The following MACF1 variants were observed in gnomAD, a reference collection of about 807,000 sequenced individuals.
The protein encoded by MACF1 is microtubule-actin cross-linking factor 1.
Under a neutral mutation model 854.8 loss-of-function variants are expected in MACF1, and 193 were observed. The ratio of observed to expected loss-of-function variants is 0.23; its 90% CI spans 0.20 to 0.25. The LOEUF (loss-of-function observed/expected upper bound fraction) is 0.25, where lower values mean the gene tolerates loss of function less well. Ranked by LOEUF, MACF1 falls within the 10% of genes least tolerant of loss-of-function variation. The pLI is 1.00. For synonymous variants in MACF1, 3,185 were observed against 3,226.7 expected, an observed-to-expected ratio of 0.99 and a Z score of 0.44; for missense variants, 7,722 against 8,929.1, an observed-to-expected ratio of 0.86 and a Z score of 5.45.
intron 58 of MACF1, among the ~76,000 whole-genome samples, chr1:39,390,035 A>G (rs1490161689): frequency 6.6e-6 from 1 of 152,220 alleles, no homozygotes; most frequent in African/African-American, 2.4e-5. Flanking sequence ...ATGACCCAAA[A>G]GTGTGGATTT....
chr1:39,245,298 T>G (rs1393537673), intron 2 of MACF1, among the ~76,000 whole-genome samples: 2 of 152,128 alleles, frequency 1.3e-5, no homozygotes, highest in Admixed American at 1.3e-4. Flanking sequence ...TTTTTATTAT[T>G]ATTATTTTTG....
At chr1:39,264,662 CTTTTTTTTTTTT>C (rs35145613) in intron 6 of MACF1, among the ~76,000 whole-genome samples, 5 of 81,648 alleles carry the variant, frequency 6.1e-5, no homozygotes, top group African/African-American at 2.2e-4. Flanking sequence ...GATAGGATTT[CTTTTTTTTTTTT>C]TTTTTTTTTT....
At chr1:39,195,974 G>C (rs1355953183) in intron 2 of MACF1, among the ~76,000 whole-genome samples, 1 of 152,026 alleles carries the variant, frequency 6.6e-6, no homozygotes, top group Non-Finnish European at 1.5e-5. Context: ...TAGTCTTTGT[G>C]GTCAGATGTA....
intron 42 of MACF1, among the ~76,000 whole-genome samples, chr1:39,349,973 GT>G (rs1647142502): frequency 6.6e-6 from 1 of 152,172 alleles, no homozygotes; most frequent in Non-Finnish European, 1.5e-5. Context: ...GTGCTCAAGG[GT>G]TAGCAATAAT....
intron 2 of MACF1, among the ~76,000 whole-genome samples, chr1:39,168,764 A>G (rs1187284521): frequency 6.6e-6 from 1 of 152,176 alleles, no homozygotes; most frequent in Non-Finnish European, 1.5e-5. Context: ...GATTAAACAG[A>G]GTAGTATAAG....
intron 80 of MACF1, among the ~76,000 whole-genome samples, chr1:39,446,889 T>A (rs1407495908): frequency 1.3e-5 from 2 of 152,258 alleles, no homozygotes; most frequent in African/African-American, 4.8e-5. Flanking sequence ...TGTCTTGGCT[T>A]CTTTCGTTAC....
Position 39,409,848 on chromosome 1 carries a change from A to T in MACF1, c.15817-12526A>T. On this transcript the variant is annotated intron_variant, in intron 58 of 100. Transcript: ENST00000564288. This position sits in a 1 kb window ranked among gnomAD's most constrained non-coding sequence, Gnocchi z 4.2. ...ACTTGAAGACTAGAGAGGCTGTGCC[A>T]TTGTTATTAAAGGATACAATCGGCA... 6.2e-6 allele frequency: 1 copy of T among 160,346 alleles called. No individual in the cohort carries two copies. The highest frequency in any genetic ancestry group is 1.9e-4 in the East Asian group (1 of 5,392). The allele number at this position is 160,346 out of a possible 1,614,324, so 9.9% of individuals were successfully genotyped here.
intron 58 of MACF1, among the ~76,000 whole-genome samples, chr1:39,389,364 T>TTC: frequency 7.3e-6 from 1 of 137,216 alleles, no homozygotes; most frequent in East Asian, 2.1e-4. Context: ...TTTTTTTTTT[T>TTC]TTTTTTTTTT....
At position 39,084,212 on chromosome 1, in the gene MACF1, C is replaced by T. The variant is rs895186211; in HGVS notation, c.-7C>T. The T allele has an allele frequency of 5.6e-6, 9 of 1,612,170 alleles. No homozygotes were observed. In the Admixed American group the frequency reaches 8.3e-5, roughly 15 times the overall value. ...CAGGCCCTCCTGCAGCAGCCCCCGC[C>T]TGGGCCATGTCTTCCTCAGATGAAG... On this transcript the variant is annotated 5_prime_UTR_variant, in exon 2 of 94. Coordinates refer to the MACF1 transcript ENST00000361689. This position sits in a 1 kb window ranked among gnomAD's most constrained non-coding sequence, Gnocchi z 5.2.
Position 39,442,243 on chromosome 1 carries a change from A to G in MACF1, c.18871A>G (p.Arg6291Gly), listed in dbSNP as rs1264293622. ...AAAGAAAGCTACTGATGAGACGGAC[A>G]GAGACATTATACGAGAACCACTGAC... ...MLKKATDETD[R>G]DIIREPLTEL... The change falls in exon 76 of 101, where the codon AGA becomes GGA. Residue 6291 changes from arginine to glycine, a missense_variant. Arg to Gly is a moderately radical substitution (Grantham distance 125). Transcript: ENST00000564288. 1.9e-6 allele frequency: 3 copies of G among 1,610,534 alleles called. No individual in the cohort carries two copies. Among genetic ancestry groups the G allele is most frequent in the Non-Finnish European group, 2.5e-6 (3 of 1,178,976 alleles).
At chr1:39,419,836 T>TGC (rs935219205) in intron 58 of MACF1, among the ~76,000 whole-genome samples, 1 of 151,444 alleles carries the variant, frequency 6.6e-6, no homozygotes, top group Non-Finnish European at 1.5e-5. Context: ...TGTGTGTGTG[T>TGC]GTGTGTATTT....
intron 41 of MACF1, among the ~76,000 whole-genome samples, chr1:39,349,091 A>C (rs1414826902): frequency 6.6e-6 from 1 of 152,156 alleles, no homozygotes; most frequent in East Asian, 1.9e-4. Context: ...TTATGTAGCA[A>C]ATCTCTGGTT....
At position 39,357,882 on chromosome 1, in the gene MACF1, C is replaced by A; in HGVS notation, c.11932C>A (p.Leu3978Ile). ...LKDATERYTA[L>I]HSKCTRLGSH... ...GGATGCAACAGAAAGATACACTGCT[C>A]TCCACTCAAAGGTAAGGGGGCAGTT... The change falls in exon 45 of 101, where the codon CTC becomes ATC. Residue 3978 changes from leucine to isoleucine, a missense_variant. Coordinates refer to ENST00000564288, the MANE Select transcript of MACF1 (RefSeq NM_001394062.1). 2 of 1,610,506 alleles carry A rather than the reference C, an allele frequency of 1.2e-6. No individual in the cohort carries two copies. Among genetic ancestry groups the A allele is most frequent in the South Asian group, 1.1e-5 (1 of 90,388 alleles).
intron 58 of MACF1, among the ~76,000 whole-genome samples, chr1:39,415,243 T>C (rs1288336668): frequency 6.6e-6 from 1 of 152,148 alleles, no homozygotes; most frequent in Non-Finnish European, 1.5e-5. Flanking sequence ...AGCAAGTCAT[T>C]TTCCTTTCCA....
intron 2 of MACF1, among the ~76,000 whole-genome samples, chr1:39,109,958 C>A (rs1642352423): frequency 6.6e-6 from 1 of 152,114 alleles, no homozygotes; most frequent in African/African-American, 2.4e-5. Flanking sequence ...TGGAGAATTT[C>A]TTTTCCCCTT....
rs149539192 is a variant in MACF1 at position 39,145,159 on chromosome 1, C to T, written c.220+60721C>T. Among the ~76,000 whole-genome samples, 780 of 152,320 alleles carry T rather than the reference C, an allele frequency of 5.1e-3. 9 individuals carry two copies. Among genetic ancestry groups the T allele is most frequent in the South Asian group, 0.02 (96 of 4,826 alleles). ...ATTACAGATTTATGAGCTCTAGCCA[C>T]AGCCTGGCTCTCAATCCTATCCTGA... On this transcript the variant is annotated intron_variant, in intron 2 of 93. Coordinates refer to the MACF1 transcript ENST00000361689.
intron 2 of MACF1, among the ~76,000 whole-genome samples, chr1:39,174,662 A>G (rs1287574628): frequency 6.6e-6 from 1 of 152,188 alleles, no homozygotes; most frequent in Non-Finnish European, 1.5e-5. Flanking sequence ...TCTTTGGCAA[A>G]AGCAAGGGCG....
chr1:39,327,503 T>A lies in MACF1; in HGVS notation c.4614+150T>A, dbSNP rs535184974. ...ACCTTAGCAGCCATTTGTCTTGTGT[T>A]TCTTTACTGGGGTTCCATGATGTGT... On this transcript the variant is annotated intron_variant, in intron 36 of 100. Coordinates refer to ENST00000564288, the MANE Select transcript of MACF1 (RefSeq NM_001394062.1). 812 of 829,004 alleles carry A rather than the reference T, an allele frequency of 9.8e-4. 1 individual carries two copies. The highest frequency in any genetic ancestry group is 1.9e-3 in the South Asian group (75 of 40,214). 51.4% of individuals were successfully genotyped at this position (829,004 alleles called of 1,614,324 possible). A position where few individuals can be genotyped will look rare whatever the true frequency, so the allele number is the denominator to read the frequency against.
chr1:39,348,615 G>C (rs569408929), intron 41 of MACF1, among the ~76,000 whole-genome samples: 64 of 152,226 alleles, frequency 4.2e-4, no homozygotes, highest in Admixed American at 9.8e-4. Context: ...TCCTAAAGAG[G>C]GGGAGAGAGG....
Sources: allele counts gnomAD v4.1 joint callset (sites outside exome capture counted in the v4.1 genomes callset), GRCh38; gene constraint gnomAD v4.1.1; non-coding constraint Gnocchi (gnomAD v3.1); transcripts MANE v1.5; gene names NCBI Gene and HGNC (gene_info 2026-07-23, HGNC 2026-07-21).